The following SYNM variants were observed in gnomAD, a reference collection of about 807,000 sequenced individuals.
SYNM encodes synemin, also known as desmuslin.
SYNM carries 95 observed loss-of-function variants against 104.0 expected under a neutral mutation model. The ratio of observed to expected loss-of-function variants is 0.91; its 90% CI spans 0.77 to 1.08. The LOEUF is 1.08. SYNM is among the 50% of genes least tolerant of loss of function. The pLI, the probability that SYNM is intolerant of heterozygous loss-of-function variation, is 0.00. For missense variants in SYNM, 2,150 were observed against 2,052.2 expected (o/e 1.05, Z -0.92); for synonymous variants, 918 against 869.0 (o/e 1.06, Z -0.99).
At chr15:99,113,559 C>G in intron 1 of SYNM, 32 bp from the exon 2 acceptor site, 1 of 1,611,110 alleles carries the variant, frequency 6.2e-7, no homozygotes, top group Non-Finnish European at 8.5e-7. Context: ...AGCTCCAGTT[C>G]TCTGATATAA....
intron 2 of SYNM, among the ~76,000 whole-genome samples, chr15:99,122,940 G>T (rs548644894): frequency 2.8e-4 from 42 of 152,210 alleles, no homozygotes; most frequent in Non-Finnish European, 5.0e-4. Flanking sequence ...ATAAAATACA[G>T]ATGGTCCACA....
At chr15:99,117,783 G>T (rs910042424) in intron 2 of SYNM, among the ~76,000 whole-genome samples, 1 of 108,872 alleles carries the variant, frequency 9.2e-6, no homozygotes, top group Non-Finnish European at 2.0e-5. Flanking sequence ...TTTTGGTAGG[G>T]TATTCACAAG....
chr15:99,136,531 C>G (rs1456245099), downstream of SYNM: 1 of 152,204 alleles, frequency 6.6e-6, no homozygotes, highest in African/African-American at 2.4e-5. Flanking sequence ...TCACTGTGTC[C>G]TCACATGGTG....
intron 2 of SYNM, among the ~76,000 whole-genome samples, chr15:99,125,522 C>T (rs1245949561): frequency 6.6e-6 from 1 of 152,254 alleles, no homozygotes; most frequent in African/African-American, 2.4e-5. Context: ...TGCGCCTTCG[C>T]GAGAGTGCCT....
Position 99,133,621 on chromosome 15 carries a change from C to T in SYNM, c.*563C>T, listed in dbSNP as rs1346116807. Reference sequence around the variant, plus strand: ...GGAAAAAATTACTTGCCATATAGAGCTAAATTCATCTTAAGACTTGAATGA... The same window carrying T: ...GGAAAAAATTACTTGCCATATAGAGTTAAATTCATCTTAAGACTTGAATGA... On this transcript the variant is annotated 3_prime_UTR_variant, in exon 4 of 4. Transcript: ENST00000336292. 6.3e-6 allele frequency: 1 copy of T among 158,204 alleles called. No individual in the cohort carries two copies. Among genetic ancestry groups the T allele is most frequent in the African/African-American group, 2.4e-5 (1 of 41,464 alleles). 9.8% of individuals were successfully genotyped at this position (158,204 alleles called of 1,614,324 possible). A position where few individuals can be genotyped will look rare whatever the true frequency, so the allele number is the denominator to read the frequency against.
intron 2 of SYNM, among the ~76,000 whole-genome samples, chr15:99,120,951 C>T (rs77244447): frequency 0.018 from 2,733 of 152,126 alleles, 84 homozygotes; most frequent in African/African-American, 0.062. Context: ...GTTCACTGCC[C>T]CCTAACAGGG....
chr15:99,129,348 C>A lies in SYNM; in HGVS notation c.1007-19C>A, dbSNP rs782635417. 6.2e-6 allele frequency: 10 copies of A among 1,605,428 alleles called. No homozygotes were observed. Among genetic ancestry groups the A allele is most frequent in the Non-Finnish European group, 8.5e-6 (10 of 1,174,906 alleles). On this transcript the variant is annotated intron_variant, in intron 3 of 3. Transcript: ENST00000336292. The stretch of plus-strand genomic sequence containing the variant: ...ATGATGACTGTCATTTTAATGAATG[C>A]TTTGTTCAATTTCTACAGAATTCAG...
chr15:99,139,824 C>G (rs1242200611), downstream of SYNM: 43 of 1,081,172 alleles, frequency 4.0e-5, no homozygotes, highest in Non-Finnish European at 5.2e-5. Flanking sequence ...GCTGTCTATA[C>G]TCTTGACTAC....
rs1555486293 is a variant in SYNM, at chr15:99,133,070, A to G, written c.*12A>G. 5 of 1,611,038 alleles carry G rather than the reference A, an allele frequency of 3.1e-6. No homozygotes were observed. The highest frequency in any genetic ancestry group is 1.1e-5 in the South Asian group (1 of 90,806). ...GGCATTGGTTTTAATAAGCAGAAAC[A>G]TTTTGTTTTAATGGCAGCCTGTTGG... On this transcript the variant is annotated 3_prime_UTR_variant, in exon 4 of 4. Transcript: ENST00000336292.
At chr15:99,129,307 T>C in intron 3 of SYNM, 60 bp from the exon 4 acceptor site, 1 of 1,579,052 alleles carries the variant, frequency 6.3e-7, no homozygotes, top group Non-Finnish European at 8.6e-7. Flanking sequence ...ACAATGCTTG[T>C]AGATGGAAAA....
Position 99,131,430 on chromosome 15 carries a change from G to A in SYNM, c.3070G>A (p.Ala1024Thr), listed in dbSNP as rs1555485872. The stretch of plus-strand genomic sequence containing the variant: ...CCTGGAGGAGCTGAGCAAAGATGAG[G>A]CCAGTGAGATGGAGAAGGCTGTGGA... ...LDLEELSKDEASEMEKAVESV... is the reference protein window; with the variant it reads ...LDLEELSKDETSEMEKAVESV... Residue 1024 changes from alanine to threonine, a missense_variant, in exon 4 of 4, where the codon GCC becomes ACC. Ala to Thr is a moderately conservative substitution (Grantham distance 58, BLOSUM62 0). Coordinates refer to ENST00000336292, the MANE Select transcript of SYNM (RefSeq NM_145728.3). The surrounding 1 kb of genome is among the most constrained non-coding windows in gnomAD (Gnocchi z 4.3). 1 of 1,610,320 alleles carries A rather than the reference G, an allele frequency of 6.2e-7. No individual in the cohort carries two copies. Among genetic ancestry groups the A allele is most frequent in the South Asian group, 1.1e-5 (1 of 90,710 alleles).
chr15:99,132,485 C>T lies in SYNM; in HGVS notation c.4125C>T (p.Val1375=), dbSNP rs781917399. The change falls in exon 4 of 4, where the codon GTC becomes GTT. Residue 1375 remains valine (V), a synonymous_variant. Coordinates refer to ENST00000336292, the MANE Select transcript of SYNM (RefSeq NM_145728.3). ...VMTEKSTFQS[V]VSESPQEDSA... Reference sequence around the variant, plus strand: ...CTGAAAAGAGCACCTTCCAAAGTGTCGTTTCTGAATCTCCCCAGGAGGATA... The same window carrying T: ...CTGAAAAGAGCACCTTCCAAAGTGTTGTTTCTGAATCTCCCCAGGAGGATA... 25 of 1,613,858 alleles carry T rather than the reference C, an allele frequency of 1.5e-5. No homozygotes were observed. Among genetic ancestry groups the T allele is most frequent in the South Asian group, 5.5e-5 (5 of 91,042 alleles).
At chr15:99,138,278 A>G (rs1273020083), downstream of SYNM, 2 of 903,112 alleles carry the variant, frequency 2.2e-6, no homozygotes, top group Non-Finnish European at 3.2e-6. Context: ...AGCACAGAGC[A>G]TAAAACATGA....
chr15:99,109,455 T>C (rs1325293028), intron 1 of SYNM, among the ~76,000 whole-genome samples: 1 of 152,084 alleles, frequency 6.6e-6, no homozygotes, highest in African/African-American at 2.4e-5. Flanking sequence ...CAAAACATGA[T>C]TGAATGAAAG....
chr15:99,139,759 A>G, downstream of SYNM: 1 of 1,312,156 alleles, frequency 7.6e-7, no homozygotes, highest in Non-Finnish European at 1.0e-6. Flanking sequence ...AAAAGATTTA[A>G]AAAAATAGTT....
chr15:99,130,077 CGAGA>C lies in SYNM; in HGVS notation c.1725_1728del (p.Glu576CysfsTer5), dbSNP rs781826570. The C allele has an allele frequency of 1.9e-6, 3 of 1,613,414 alleles. No homozygotes were observed. Among genetic ancestry groups the C allele is most frequent in the African/African-American group, 1.3e-5 (1 of 74,812 alleles). ...GGACTCACCGAAGGAGAAGAGCGTG[CGAGA>C]GAGAGAGGTGCCGATTAGTCTAGAA... On this transcript the variant is annotated frameshift_variant, in exon 4 of 4. Coordinates refer to ENST00000336292, the MANE Select transcript of SYNM (RefSeq NM_145728.3). LOFTEE classifies it high-confidence loss of function.
In SYNM at chr15:99,134,886, G is replaced by A. The variant is rs908828081; in HGVS notation, c.*1828G>A. The A allele has an allele frequency of 6.6e-6, 1 of 152,240 alleles. No individual in the cohort carries two copies. Among genetic ancestry groups the A allele is most frequent in the Non-Finnish European group, 1.5e-5 (1 of 68,048 alleles). The allele number at this position is 152,240 out of a possible 1,614,324, so 9.4% of individuals were successfully genotyped here. A position where few individuals can be genotyped will look rare whatever the true frequency, so the allele number is the denominator to read the frequency against. Reference sequence around the variant, plus strand: ...CTAGTGATTGTCAGACTGGTATGGAGGTGACTGCTTTGTAAGGTTTTGTCG... The same window carrying A: ...CTAGTGATTGTCAGACTGGTATGGAAGTGACTGCTTTGTAAGGTTTTGTCG... On this transcript the variant is annotated 3_prime_UTR_variant, in exon 4 of 4. Transcript: ENST00000336292.
rs2067481963 is a variant in SYNM at position 99,129,838 on chromosome 15, C to T, written c.1478C>T (p.Thr493Ile). 1 of 1,613,370 alleles carries T rather than the reference C, an allele frequency of 6.2e-7. No homozygotes were observed. Among genetic ancestry groups the T allele is most frequent in the Admixed American group, 1.7e-5 (1 of 59,958 alleles). The change falls in exon 4 of 4, where the codon ACC becomes ATC. Residue 493 changes from threonine to isoleucine, a missense_variant. Physicochemically the swap from Thr to Ile is moderately conservative, Grantham distance 89. Coordinates refer to ENST00000336292, the MANE Select transcript of SYNM (RefSeq NM_145728.3). ...ASESTRSNER[T>I]VILGKKTEVK... is the part of the protein sequence containing the mutation. ...GAAAGCACACGGTCAAATGAGAGGA[C>T]CGTCATTCTGGGAAAGAAAACAGAA...
In SYNM at chr15:99,131,979, C is replaced by A; in HGVS notation, c.3619C>A (p.Pro1207Thr). The stretch of plus-strand genomic sequence containing the variant: ...GGCATGGGGCTCGCCAGAACCTGGC[C>A]CAGCAGAGTCTTCTGCAGATATGGA... ...PEAWGSPEPG[P>T]AESSADMDGS... The change falls in exon 4 of 4, where the codon CCA becomes ACA. Residue 1207 changes from proline (P) to threonine (T), a missense_variant. Coordinates refer to ENST00000336292, the MANE Select transcript of SYNM (RefSeq NM_145728.3). The surrounding 1 kb of genome is among the most constrained non-coding windows in gnomAD (Gnocchi z 4.3). The A allele has an allele frequency of 1.9e-6, 3 of 1,613,946 alleles. No individual in the cohort carries two copies. The highest frequency in any genetic ancestry group is 1.1e-5 in the South Asian group (1 of 91,084).
Sources: gnomAD v4.1 joint callset for allele counts (sites outside exome capture counted in the v4.1 genomes callset) on GRCh38, gnomAD v4.1.1 for gene constraint, Gnocchi (gnomAD v3.1) non-coding constraint, MANE v1.5 for transcripts, NCBI Gene and HGNC (gene_info 2026-07-23, HGNC 2026-07-21) for gene names.